Variants in ARSL observed in about 807,000 individuals in gnomAD.
ARSL encodes the protein arylsulfatase L, also known as arylsulfatase E (chondrodysplasia punctata 1).
A neutral mutation model predicts 31.1 loss-of-function variants in ARSL; 4 were observed. That is an observed-to-expected ratio of 0.13 (90% CI 0.06 to 0.29). The LOEUF is 0.29. Ranked by LOEUF, ARSL falls within the 10% of genes least tolerant of loss-of-function variation. ARSL has a pLI of 1.00. For synonymous variants in ARSL, 198 were observed against 209.9 expected (o/e 0.94, Z 0.49); for missense variants, 312 against 497.8 (o/e 0.63, Z 3.55).
At chrX:2,942,592 A>G (rs1316637702) in intron 8 of ARSL, among the ~76,000 whole-genome samples, 1 of 111,691 alleles carries the variant, frequency 9.0e-6, no homozygotes, top group Non-Finnish European at 1.9e-5. Flanking sequence ...GTGCCCGGCC[A>G]CCTGGACCCA....
rs150723435 is a variant in ARSL at position 2,943,317 on chromosome X, G to T, written c.992-118C>A. On this transcript the variant is annotated intron_variant, in intron 7 of 10. Transcript: ENST00000381134. The stretch of plus-strand genomic sequence containing the variant: ...ACAAGAATGAAGCCTTAGTTTTAAC[G>T]CATAATGGAAGTCAGCTGTTGGATA... 1,405 of 921,497 alleles carry T rather than the reference G, an allele frequency of 1.5e-3. 28 individuals carry two copies. In the East Asian group the frequency reaches 0.042, roughly 28 times the overall value. The allele number at this position is 921,497 out of a possible 1,213,427, so 75.9% of individuals were successfully genotyped here.
intron 10 of ARSL, among the ~76,000 whole-genome samples, chrX:2,935,555 A>G (rs181741307): frequency 3.6e-5 from 4 of 112,365 alleles, no homozygotes; most frequent in African/African-American, 1.3e-4. Flanking sequence ...GTGACTGCTG[A>G]TAGGAACAGT....
At chrX:2,944,335 A>G (rs1972527) in intron 7 of ARSL, among the ~76,000 whole-genome samples, 1 of 106,985 alleles carries the variant, frequency 9.3e-6, no homozygotes, top group Admixed American at 1.0e-4. Context: ...GTGCCTGTAA[A>G]CCCAGCTACT....
intron 7 of ARSL, among the ~76,000 whole-genome samples, chrX:2,945,593 A>G (rs760008999): frequency 9.0e-6 from 1 of 111,210 alleles, no homozygotes; most frequent in Non-Finnish European, 1.9e-5. Context: ...TGTCTAGCAC[A>G]TGGGGATTAG....
intron 2 of ARSL, among the ~76,000 whole-genome samples, chrX:2,959,388 C>T (rs746699358): frequency 1.8e-5 from 2 of 111,724 alleles, no homozygotes; most frequent in South Asian, 7.6e-4. Context: ...GGAACATTTC[C>T]GCAGGGGTTG....
chrX:2,945,132 G>C (rs775306991), intron 7 of ARSL, among the ~76,000 whole-genome samples: 2 of 111,178 alleles, frequency 1.8e-5, no homozygotes, highest in African/African-American at 6.5e-5. Flanking sequence ...GCTACTTTAG[G>C]GGTGCGTCAG....
intron 1 of ARSL, among the ~76,000 whole-genome samples, chrX:2,961,188 G>A (rs887352414): frequency 9.0e-6 from 1 of 111,609 alleles, no homozygotes; most frequent in Admixed American, 9.5e-5. Flanking sequence ...TCTGTCCACA[G>A]AGGGAAACGG....
chrX:2,960,078 G>A (rs1213942594), intron 2 of ARSL, among the ~76,000 whole-genome samples: 2 of 103,068 alleles, frequency 1.9e-5, no homozygotes, highest in African/African-American at 7.0e-5. Context: ...GACCATCCTG[G>A]CTAACACGGT....
At chrX:2,960,866 G>A (rs1164369434) in intron 1 of ARSL, among the ~76,000 whole-genome samples, 1 of 111,481 alleles carries the variant, frequency 9.0e-6, no homozygotes, top group Non-Finnish European at 1.9e-5. Context: ...GGGAAGCGGG[G>A]AAAGATCAAA....
intron 8 of ARSL, among the ~76,000 whole-genome samples, chrX:2,941,512 C>T (rs1727539150): frequency 9.0e-6 from 1 of 111,680 alleles, no homozygotes; most frequent in African/African-American, 3.3e-5. Flanking sequence ...GCCTTGGCCT[C>T]CCAAAGCGTT....
intron 5 of ARSL, among the ~76,000 whole-genome samples, chrX:2,951,874 GTTTTTTT>G (rs63021261): frequency 0.44 from 36,876 of 84,040 alleles, 5,714 homozygotes; most frequent in South Asian, 0.56. Context: ...CCCAGAATTT[GTTTTTTT>G]TTTTTTTTTG....
chrX:2,948,999 T>C (rs188944830), intron 6 of ARSL, among the ~76,000 whole-genome samples: 149 of 109,534 alleles, frequency 1.4e-3, no homozygotes, highest in African/African-American at 4.8e-3. Context: ...CTCACCTCCC[T>C]GCAACCTCCA....
At chrX:2,936,221 G>A (rs2089198888) in intron 10 of ARSL, among the ~76,000 whole-genome samples, 1 of 110,093 alleles carries the variant, frequency 9.1e-6, no homozygotes, top group Non-Finnish European at 1.9e-5. Flanking sequence ...TGTAATCCCA[G>A]CTACTCAGGA....
chrX:2,967,676 C>T (rs1328374132), upstream of ARSL, among the ~76,000 whole-genome samples: 1 of 112,176 alleles, frequency 8.9e-6, no homozygotes, highest in Non-Finnish European at 1.9e-5. Flanking sequence ...GAGGAAACAC[C>T]CATGCAAGAC....
chrX:2,936,432 T>C (rs1313069340), intron 10 of ARSL, among the ~76,000 whole-genome samples: 1 of 111,680 alleles, frequency 9.0e-6, no homozygotes, highest in Non-Finnish European at 1.9e-5. Context: ...ATGATAAAAG[T>C]TGCACTTCAT....
rs1261507707 is a variant in ARSL, at chrX:2,943,074, T to C, written c.1117A>G (p.Ile373Val). 1 of 1,210,894 alleles carries C rather than the reference T, an allele frequency of 8.3e-7. No homozygotes were observed. The change falls in exon 8 of 11, where the codon ATT becomes GTT. Residue 373 changes from isoleucine (I) to valine (V), a missense_variant. Physicochemically the swap from Ile to Val is conservative, Grantham distance 29. Transcript: ENST00000381134. The part of the protein sequence containing the change: ...GNTQYGGWNG[I>V]YKGGKGMGGW... Reference sequence around the variant, plus strand: ...AGCATCTCAGTCTTACCTTTATAAATTCCATTCCAGCCACCATACTGGGTG... The same window carrying C: ...AGCATCTCAGTCTTACCTTTATAAACTCCATTCCAGCCACCATACTGGGTG...
At chrX:2,959,763 G>T (rs1047421068) in intron 2 of ARSL, 3 of 1,109,959 alleles carry the variant, frequency 2.7e-6, no homozygotes, top group African/African-American at 1.8e-5. Context: ...ACCATCAAGA[G>T]ATCCAGAAGC....
Position 2,959,777 on chromosome X carries a change from C to G in ARSL, c.23+601G>C. The stretch of plus-strand genomic sequence containing the variant: ...CACCATCAAGAGATCCAGAAGCGGT[C>G]AGGCGTGGTGGCTCATGCCCATTAT... On this transcript the variant is annotated intron_variant, in intron 2 of 10. Coordinates refer to ENST00000381134, the MANE Select transcript of ARSL (RefSeq NM_000047.3). 3 of 1,081,870 alleles carry G rather than the reference C, an allele frequency of 2.8e-6. No homozygotes were observed. The South Asian group carries it at 7.0e-5, about 25-fold the overall frequency. The allele number at this position is 1,081,870 out of a possible 1,213,427, so 89.2% of individuals were successfully genotyped here.
chrX:2,965,574 G>A (rs1447322225), upstream of ARSL, among the ~76,000 whole-genome samples: 1 of 109,174 alleles, frequency 9.2e-6, no homozygotes, highest in African/African-American at 3.3e-5. Context: ...AGTAAAAAAA[G>A]GATTATTTTC....
Sources: gnomAD v4.1 joint callset for allele counts (sites outside exome capture counted in the v4.1 genomes callset) on GRCh38, gnomAD v4.1.1 for gene constraint, MANE v1.5 for transcripts, NCBI Gene and HGNC (gene_info 2026-07-23, HGNC 2026-07-21) for gene names.